ADGRV1: variants seen among roughly 807,000 people sequenced by gnomAD.
ADGRV1 encodes adhesion G protein-coupled receptor V1.
In ADGRV1, 359 loss-of-function variants were observed where a neutral mutation model predicts 596.2. That is an observed-to-expected ratio of 0.60 (90% CI 0.55 to 0.66). ADGRV1 has a LOEUF of 0.66. Among genes scored for constraint, ADGRV1 ranks in the 30% least tolerant of loss-of-function variants. The probability of loss-of-function intolerance (pLI) is 0.00; values close to 1 mark genes in which losing one functional copy is unlikely to be tolerated. For missense variants in ADGRV1, 7,274 were observed against 7,575.6 expected (o/e 0.96, Z 1.48); for synonymous variants, 2,681 against 2,679.2 (o/e 1.00, Z -0.02).
intron 85 of ADGRV1, among the ~76,000 whole-genome samples, chr5:91,072,048 T>C (rs1788437280): frequency 6.6e-6 from 1 of 152,150 alleles, no homozygotes; most frequent in Non-Finnish European, 1.5e-5. Context: ...ACTCTTTTTT[T>C]TTAAGATGTG....
intron 20 of ADGRV1, among the ~76,000 whole-genome samples, chr5:90,657,386 G>A (rs1356526653): frequency 2.0e-5 from 3 of 151,988 alleles, no homozygotes; most frequent in African/African-American, 7.2e-5. Context: ...GTCACAGTGA[G>A]CTATTAACAT....
intron 1 of ADGRV1, among the ~76,000 whole-genome samples, chr5:90,566,970 T>C (rs1432760745): frequency 1.3e-5 from 2 of 152,146 alleles, no homozygotes; most frequent in African/African-American, 2.4e-5. Context: ...CTTTGTCAGA[T>C]TGGAGAATTA....
chr5:91,158,941 A>G (rs775469690), intron 89 of ADGRV1, among the ~76,000 whole-genome samples: 8 of 152,150 alleles, frequency 5.3e-5, no homozygotes, highest in Non-Finnish European at 1.2e-4. Context: ...AGGCCTTTCA[A>G]TAGCCACTGA....
At chr5:90,871,875 A>G (rs1768719697) in intron 83 of ADGRV1, among the ~76,000 whole-genome samples, 3 of 152,238 alleles carry the variant, frequency 2.0e-5, no homozygotes, top group Admixed American at 2.0e-4. Flanking sequence ...AAAAATCACT[A>G]GGAAAATAAT....
intron 89 of ADGRV1, among the ~76,000 whole-genome samples, chr5:91,162,900 G>A (rs202236361): frequency 1.3e-5 from 2 of 152,190 alleles, no homozygotes; most frequent in African/African-American, 4.8e-5. Context: ...CTCCTTGTTT[G>A]CAGAGTCTAG....
chr5:90,848,177 ATATT>A (rs1346239541), intron 78 of ADGRV1, among the ~76,000 whole-genome samples: 2 of 152,202 alleles, frequency 1.3e-5, no homozygotes, highest in Admixed American at 6.5e-5. Context: ...GGTGCTTTAA[ATATT>A]TAGTGATTAT....
intron 83 of ADGRV1, among the ~76,000 whole-genome samples, chr5:90,953,998 T>A (rs141304612): frequency 6.6e-6 from 1 of 151,912 alleles, no homozygotes; most frequent in Non-Finnish European, 1.5e-5. Context: ...AATGGACTGA[T>A]CAAATAATTA....
intron 50 of ADGRV1, among the ~76,000 whole-genome samples, chr5:90,739,497 C>T (rs1341083981): frequency 6.6e-6 from 1 of 152,088 alleles, no homozygotes; most frequent in Non-Finnish European, 1.5e-5. Context: ...TTGGTAGTGA[C>T]CCCAGACAAG....
At chr5:90,564,926 G>A (rs1355980786) in intron 1 of ADGRV1, among the ~76,000 whole-genome samples, 1 of 147,378 alleles carries the variant, frequency 6.8e-6, no homozygotes, top group South Asian at 2.3e-4. Context: ...GCGCCCGGCC[G>A]GCGTTTAATA....
Position 90,637,788 on chromosome 5 carries a change from C to A in ADGRV1, c.2080C>A (p.Pro694Thr), listed in dbSNP as rs1766413537. Residue 694 changes from proline to threonine, a missense_variant, in exon 11 of 90, where the codon CCC becomes ACC. Pro to Thr is a conservative substitution (Grantham distance 38, BLOSUM62 -1). Coordinates refer to ENST00000405460, the MANE Select transcript of ADGRV1 (RefSeq NM_032119.4). ...GGCTACTGTCTACTGGAGTTTGAAG[C>A]CCTCTGGCTTTAATTCAAAAGCAGT... ...GQATVYWSLKPSGFNSKAVTP... is the reference protein window; with the variant it reads ...GQATVYWSLKTSGFNSKAVTP... The A allele has an allele frequency of 1.2e-6, 2 of 1,613,508 alleles. No homozygotes were observed. Among genetic ancestry groups the A allele is most frequent in the Non-Finnish European group, 1.7e-6 (2 of 1,179,694 alleles).
chr5:90,797,367 A>G (rs890313587), intron 70 of ADGRV1, among the ~76,000 whole-genome samples: 4 of 152,026 alleles, frequency 2.6e-5, no homozygotes, highest in African/African-American at 4.8e-5. Flanking sequence ...ACAAAGATCA[A>G]AAGAGACAAA....
At chr5:90,568,752 C>T (rs1306455451) in intron 1 of ADGRV1, among the ~76,000 whole-genome samples, 2 of 152,102 alleles carry the variant, frequency 1.3e-5, no homozygotes, top group Non-Finnish European at 2.9e-5. Flanking sequence ...TGTTTTTCCC[C>T]TCAATTTGGT....
chr5:90,604,053 G>C (rs1761772034), intron 1 of ADGRV1, among the ~76,000 whole-genome samples: 1 of 151,778 alleles, frequency 6.6e-6, no homozygotes, highest in Admixed American at 6.6e-5. Context: ...CAAATTCTCT[G>C]TCTAACTGGC....
rs200353658 is a variant in ADGRV1, at chr5:91,082,141, A to C, written c.18310+9537A>C. Among the ~76,000 whole-genome samples the C allele has an allele frequency of 1.4e-4, 21 of 152,256 alleles. No homozygotes were observed. In the East Asian group the frequency reaches 1.7e-3, roughly 13 times the overall value. On this transcript the variant is annotated intron_variant, in intron 86 of 89. Coordinates refer to ENST00000405460, the MANE Select transcript of ADGRV1 (RefSeq NM_032119.4). ...GTTTAGGTGTGTTGCACACTCTTTA[A>C]CCCTTAATGTGGCTGGCATCTCTTA...
intron 1 of ADGRV1, among the ~76,000 whole-genome samples, chr5:90,597,254 G>A (rs566458548): frequency 7.2e-4 from 110 of 152,310 alleles, no homozygotes; most frequent in Admixed American, 3.6e-3. Context: ...CTGACAATAT[G>A]AGTGTTGTTC....
chr5:90,637,450 T>A (rs1417694503), intron 10 of ADGRV1, among the ~76,000 whole-genome samples: 2 of 149,718 alleles, frequency 1.3e-5, no homozygotes, highest in Non-Finnish European at 3.0e-5. Context: ...TATTTGCCTT[T>A]TATTAAGGCA....
At chr5:90,620,812 A>G (rs946676361) in intron 4 of ADGRV1, among the ~76,000 whole-genome samples, 8 of 152,320 alleles carry the variant, frequency 5.3e-5, no homozygotes, top group African/African-American at 1.9e-4. Flanking sequence ...AGCTTTCCAT[A>G]TATGGCTAGC....
intron 78 of ADGRV1, among the ~76,000 whole-genome samples, chr5:90,841,603 T>C (rs1361650048): frequency 6.6e-6 from 1 of 152,158 alleles, no homozygotes; most frequent in South Asian, 2.1e-4. Context: ...CCTAAGAATA[T>C]AAATTTTGAA....
chr5:91,098,561 CATT>C (rs1791084097), intron 86 of ADGRV1, among the ~76,000 whole-genome samples: 1 of 152,164 alleles, frequency 6.6e-6, no homozygotes, highest in East Asian at 1.9e-4. Context: ...TCATCCTAAT[CATT>C]GTTGTACTTC....
Sources: allele counts gnomAD v4.1 joint callset (sites outside exome capture counted in the v4.1 genomes callset), GRCh38; gene constraint gnomAD v4.1.1; transcripts MANE v1.5; gene names NCBI Gene and HGNC (gene_info 2026-07-23, HGNC 2026-07-21).